The following LRCH2 variants were observed in gnomAD, a reference collection of about 807,000 sequenced individuals.
The protein encoded by LRCH2 is leucine rich repeats and calponin homology domain containing 2.
A neutral mutation model predicts 68.9 loss-of-function variants in LRCH2; 38 were observed. The ratio of observed to expected loss-of-function variants is 0.55; its 90% CI spans 0.43 to 0.72. The LOEUF (loss-of-function observed/expected upper bound fraction) is 0.72. Ranked by LOEUF, LRCH2 falls within the 30% of genes least tolerant of loss-of-function variation. The pLI, the probability that LRCH2 is intolerant of heterozygous loss-of-function variation, is 0.00. For missense variants in LRCH2, 528 were observed against 572.9 expected (o/e 0.92, Z 0.80); for synonymous variants, 191 against 208.1 (o/e 0.92, Z 0.71).
chrX:115,160,271 G>A lies in LRCH2; in HGVS notation c.1463+3405C>T, dbSNP rs782624445. Among the ~76,000 whole-genome samples the A allele has an allele frequency of 9.1e-5, 10 of 110,384 alleles. No individual in the cohort carries two copies. The South Asian group carries it at 3.4e-3, about 38-fold the overall frequency. On this transcript the variant is annotated intron_variant, in intron 11 of 20. Coordinates refer to ENST00000317135, the MANE Select transcript of LRCH2 (RefSeq NM_020871.4). ...GTGGAGGTTGTGGTGAGCTGAGATT[G>A]CACCACTGCACTCCAGCCTGGGCAA...
At chrX:115,217,769 G>A (rs141376167) in intron 1 of LRCH2, among the ~76,000 whole-genome samples, 1,687 of 111,382 alleles carry the variant, frequency 0.015, 21 homozygotes, top group Non-Finnish European at 0.023. Context: ...GGGTCAAATG[G>A]TATTTCTGGT....
intron 5 of LRCH2, among the ~76,000 whole-genome samples, chrX:115,171,362 T>G (rs2147395174): frequency 9.0e-6 from 1 of 111,637 alleles, no homozygotes; most frequent in Non-Finnish European, 1.9e-5. Flanking sequence ...AAATTAAAAC[T>G]TTTGAGCTAT....
chrX:115,123,889 T>TG, intron 17 of LRCH2, 56 bp downstream of exon 17: 1 of 771,366 alleles, frequency 1.3e-6, no homozygotes, highest in Non-Finnish European at 1.9e-6. Flanking sequence ...CCATTTAAGC[T>TG]GGGAAACTAG....
chrX:115,138,936 T>TA (rs2072312771), intron 14 of LRCH2: 1 of 112,106 alleles, frequency 8.9e-6, no homozygotes, highest in African/African-American at 3.2e-5. Context: ...ATTCAAATGT[T>TA]ACAATAAAGG....
At chrX:115,149,972 A>G in intron 13 of LRCH2, 29 bp from the exon 14 acceptor site, 1 of 1,154,771 alleles carries the variant, frequency 8.7e-7, no homozygotes, top group Non-Finnish European at 1.2e-6. Context: ...TTTTAACTAA[A>G]TAAAAGAGAA....
chrX:115,227,169 G>A (rs1556576560), intron 1 of LRCH2, among the ~76,000 whole-genome samples: 1 of 110,223 alleles, frequency 9.1e-6, no homozygotes, highest in East Asian at 2.9e-4. Context: ...CAGGACTATA[G>A]TCCAAGCTAC....
chrX:115,144,180 T>C (rs1157483158), intron 14 of LRCH2, among the ~76,000 whole-genome samples: 1 of 111,552 alleles, frequency 9.0e-6, no homozygotes, highest in Non-Finnish European at 1.9e-5. Context: ...AAGACGTGCC[T>C]TTCACCTTCC....
Position 115,190,505 on chromosome X carries a change from A to T in LRCH2, c.350-2135T>A, listed in dbSNP as rs1387989428. 7.7e-6 allele frequency: 9 copies of T among 1,166,187 alleles called. No homozygotes were observed. Among genetic ancestry groups the T allele is most frequent in the Non-Finnish European group, 1.0e-5 (9 of 872,828 alleles). ...GAGGCCTTGCCAGTCGTCTTGCCAG[A>T]CGCCTACAGCAGGGACCACTCGCCC... is the stretch of plus-strand genomic sequence containing the variant. On this transcript the variant is annotated intron_variant, in intron 1 of 20. Transcript: ENST00000317135.
intron 3 of LRCH2, among the ~76,000 whole-genome samples, chrX:115,181,563 A>C (rs1438497349): frequency 5.3e-5 from 6 of 112,238 alleles, no homozygotes; most frequent in Non-Finnish European, 7.5e-5. Context: ...AAGGATTGGA[A>C]GCCAGAGAGT....
At chrX:115,216,430 G>A (rs1376150535) in intron 1 of LRCH2, among the ~76,000 whole-genome samples, 2 of 111,696 alleles carry the variant, frequency 1.8e-5, no homozygotes, top group African/African-American at 3.3e-5. Flanking sequence ...AGCAAGCACC[G>A]CTTTTGTTGT....
rs182600260 is a variant in LRCH2, at chrX:115,146,049, A to G, written c.1695+3778T>C. ...TTTGGAAGCAACCTAAGTGTCCATCAATAGAAGAACAGATAAAGAAAATGT... is the reference window on the plus strand; with the variant it reads ...TTTGGAAGCAACCTAAGTGTCCATCGATAGAAGAACAGATAAAGAAAATGT... On this transcript the variant is annotated intron_variant, in intron 14 of 20. Coordinates refer to ENST00000317135, the MANE Select transcript of LRCH2 (RefSeq NM_020871.4). 1.1e-3 allele frequency among the ~76,000 whole-genome samples: 123 copies of G among 112,312 alleles called. 1 individual carries two copies. The highest frequency in any genetic ancestry group is 3.8e-3 in the African/African-American group (117 of 30,945).
In LRCH2 at chrX:115,111,530, A is replaced by C. The variant is rs1189498525; in HGVS notation, c.*1686T>G. The C allele has an allele frequency of 9.0e-6, 1 of 110,773 alleles. No homozygotes were observed. The highest frequency in any genetic ancestry group is 2.8e-4 in the East Asian group (1 of 3,539). 9.1% of individuals were successfully genotyped at this position (110,773 alleles called of 1,213,427 possible). The stretch of plus-strand genomic sequence containing the variant: ...TACATATATTACCCAAGTTTTCACT[A>C]GGGAGATTATGTCAGCGAGTTTTTT... On this transcript the variant is annotated 3_prime_UTR_variant, in exon 21 of 21. Coordinates refer to ENST00000317135, the MANE Select transcript of LRCH2 (RefSeq NM_020871.4).
intron 20 of LRCH2, among the ~76,000 whole-genome samples, chrX:115,116,563 C>T (rs2072084776): frequency 9.0e-6 from 1 of 110,923 alleles, no homozygotes; most frequent in Non-Finnish European, 1.9e-5. Context: ...TCTGGGGTGA[C>T]GAAAATATTT....
At chrX:115,116,183 C>T (rs1286899066) in intron 20 of LRCH2, among the ~76,000 whole-genome samples, 5 of 111,140 alleles carry the variant, frequency 4.5e-5, no homozygotes, top group African/African-American at 1.6e-4. Context: ...TACCATATAA[C>T]CTAACAATTT....
intron 11 of LRCH2, among the ~76,000 whole-genome samples, chrX:115,163,282 A>G (rs2072533491): frequency 8.9e-6 from 1 of 111,883 alleles, no homozygotes; most frequent in Non-Finnish European, 1.9e-5. Flanking sequence ...CAATGTAAAT[A>G]ATGCTACTGT....
chrX:115,222,793 T>TC (rs1556574591), intron 1 of LRCH2, among the ~76,000 whole-genome samples: 1 of 111,821 alleles, frequency 8.9e-6, no homozygotes, highest in East Asian at 2.8e-4. Context: ...TTCAACACAC[T>TC]CCTTTTCAAA....
intron 1 of LRCH2, among the ~76,000 whole-genome samples, chrX:115,195,368 T>G (rs2072879876): frequency 9.2e-6 from 1 of 108,304 alleles, no homozygotes; most frequent in South Asian, 4.1e-4. Context: ...TATCAGAGTA[T>G]TGAATTAGAG....
At chrX:115,151,646 C>A (rs1198533553) in intron 12 of LRCH2, among the ~76,000 whole-genome samples, 10 of 111,024 alleles carry the variant, frequency 9.0e-5, no homozygotes, top group Non-Finnish European at 1.9e-4. Flanking sequence ...TGCTAGTGGC[C>A]AAGATAGGCT....
chrX:115,165,318 A>AT lies in LRCH2; in HGVS notation c.1355+86dup, dbSNP rs782114681. 3 of 663,361 alleles carry AT rather than the reference A, an allele frequency of 4.5e-6. No individual in the cohort carries two copies. The African/African-American group carries it at 6.8e-5, about 15-fold the overall frequency. The allele number at this position is 663,361 out of a possible 1,213,427, so 54.7% of individuals were successfully genotyped here. On this transcript the variant is annotated intron_variant, in intron 10 of 20. Transcript: ENST00000317135. ...AAGAGGTAAGTGAACAAAAAATTAT[A>AT]TTTTTTTCAAGTACTCTTTCAAGTA...
Sources: allele counts gnomAD v4.1 joint callset (sites outside exome capture counted in the v4.1 genomes callset), GRCh38; gene constraint gnomAD v4.1.1; transcripts MANE v1.5; gene names NCBI Gene and HGNC (gene_info 2026-07-23, HGNC 2026-07-21).